The following MAN1A1 variants were observed in gnomAD, a reference collection of about 807,000 sequenced individuals.
The protein encoded by MAN1A1 is mannosidase alpha class 1A member 1.
Under a neutral mutation model 70.8 loss-of-function variants are expected in MAN1A1, and 29 were observed. The observed-to-expected ratio is 0.41, with a 90% CI of 0.31 to 0.56. The LOEUF (loss-of-function observed/expected upper bound fraction) is 0.56, where lower values mean the gene tolerates loss of function less well. Ranked by LOEUF, MAN1A1 falls within the 20% of genes least tolerant of loss-of-function variation. The pLI, the probability that MAN1A1 is intolerant of heterozygous loss-of-function variation, is 0.29. For missense variants in MAN1A1, 747 were observed against 841.3 expected (o/e 0.89, Z 1.39); for synonymous variants, 349 against 330.1 (o/e 1.06, Z -0.62).
At chr6:119,197,753 G>A (rs62418808) in intron 8 of MAN1A1, among the ~76,000 whole-genome samples, 35,386 of 152,010 alleles carry the variant, frequency 0.23, 5,442 homozygotes, top group Non-Finnish European at 0.33. Context: ...CAGAATGGGG[G>A]TTGGGGCAGG....
intron 11 of MAN1A1, among the ~76,000 whole-genome samples, chr6:119,184,532 C>A (rs564331573): frequency 6.6e-6 from 1 of 152,072 alleles, no homozygotes; most frequent in South Asian, 2.1e-4. Flanking sequence ...GAATCAGGCA[C>A]CTTGAACAAA....
At chr6:119,297,723 CTAAA>C (rs1326479698) in intron 4 of MAN1A1, among the ~76,000 whole-genome samples, 8 of 140,946 alleles carry the variant, frequency 5.7e-5, no homozygotes, top group Admixed American at 4.4e-4. Flanking sequence ...TCACATATTA[CTAAA>C]TAGTTTCCTT....
chr6:119,182,931 A>G lies in MAN1A1; in HGVS notation c.1720-2504T>C, dbSNP rs117704979. Among the ~76,000 whole-genome samples the G allele has an allele frequency of 8.7e-3, 1,331 of 152,232 alleles. 10 individuals carry two copies. The highest frequency in any genetic ancestry group is 0.014 in the Non-Finnish European group (959 of 68,026). Reference sequence around the variant, plus strand: ...TCCAACTACCAAGAAGATGGAAAGCATAGACTTTGCCTTATCAGTTGAGAA... The same window carrying G: ...TCCAACTACCAAGAAGATGGAAAGCGTAGACTTTGCCTTATCAGTTGAGAA... On this transcript the variant is annotated intron_variant, in intron 11 of 12. Coordinates refer to ENST00000368468, the MANE Select transcript of MAN1A1 (RefSeq NM_005907.4).
At chr6:119,222,149 A>G (rs557114469) in intron 6 of MAN1A1, among the ~76,000 whole-genome samples, 2 of 152,180 alleles carry the variant, frequency 1.3e-5, no homozygotes, top group Admixed American at 6.5e-5. Context: ...CAAAATGTGA[A>G]GAGCCATATT....
chr6:119,265,723 A>T (rs2114363532), intron 5 of MAN1A1, among the ~76,000 whole-genome samples: 1 of 152,298 alleles, frequency 6.6e-6, no homozygotes, highest in South Asian at 2.1e-4. Flanking sequence ...ATCAAGAACA[A>T]GGCAGGGATG....
At position 119,307,002 on chromosome 6, in the gene MAN1A1, AAAAT is replaced by A; in HGVS notation, c.604-14_604-11del. The A allele has an allele frequency of 6.5e-7, 1 of 1,530,826 alleles. No individual in the cohort carries two copies. The highest frequency in any genetic ancestry group is 1.7e-5 in the Admixed American group (1 of 59,062). 94.8% of individuals were successfully genotyped at this position (1,530,826 alleles called of 1,614,324 possible). A position where few individuals can be genotyped will look rare whatever the true frequency, so the allele number is the denominator to read the frequency against. ...AAGCATGTTTCATCATCTGAAAAAA[AAAAT>A]AAAAACAGGATTATAATTTGAATGG... On this transcript the variant is annotated splice_polypyrimidine_tract_variant and intron_variant, in intron 2 of 12. Coordinates refer to ENST00000368468, the MANE Select transcript of MAN1A1 (RefSeq NM_005907.4).
intron 5 of MAN1A1, among the ~76,000 whole-genome samples, chr6:119,284,245 G>A (rs929668294): frequency 5.9e-5 from 9 of 152,118 alleles, no homozygotes; most frequent in African/African-American, 2.2e-4. Context: ...GTGATCTGGA[G>A]CACATCTCTC....
At chr6:119,205,955 G>T (rs894791858) in intron 6 of MAN1A1, among the ~76,000 whole-genome samples, 1 of 152,214 alleles carries the variant, frequency 6.6e-6, no homozygotes, top group Non-Finnish European at 1.5e-5. Context: ...CACACATGAT[G>T]AATGCCGAGA....
intron 11 of MAN1A1, 96 bp from the exon 12 acceptor site, chr6:119,180,523 T>TTTTTTC: frequency 1.5e-6 from 1 of 685,178 alleles, no homozygotes; most frequent in Non-Finnish European, 2.5e-6. Context: ...TAAAACATTT[T>TTTTTTC]TTTTTTTTGA....
chr6:119,291,876 C>T (rs1772037030), intron 4 of MAN1A1, among the ~76,000 whole-genome samples: 1 of 152,012 alleles, frequency 6.6e-6, no homozygotes, highest in Non-Finnish European at 1.5e-5. Flanking sequence ...GTGCCAGGTC[C>T]TGTGCTAATG....
chr6:119,331,065 A>T (rs1344570273), intron 2 of MAN1A1, among the ~76,000 whole-genome samples: 1 of 152,076 alleles, frequency 6.6e-6, no homozygotes, highest in Non-Finnish European at 1.5e-5. Flanking sequence ...AGTGATTCTT[A>T]ATCTGATTTA....
intron 2 of MAN1A1, among the ~76,000 whole-genome samples, chr6:119,326,394 A>C (rs149657965): frequency 2.6e-5 from 4 of 152,224 alleles, no homozygotes; most frequent in Non-Finnish European, 5.9e-5. Context: ...CCTTTTACAG[A>C]CAATAGTGGT....
chr6:119,285,144 T>TTCTTTTCTTTTC (rs1211262043), intron 5 of MAN1A1, among the ~76,000 whole-genome samples: 18 of 151,268 alleles, frequency 1.2e-4, no homozygotes, highest in African/African-American at 3.2e-4. Flanking sequence ...AGACTTTTTT[T>TTCTTTTCTTTTC]TTTTTTTTTA....
rs549255315 is a variant in MAN1A1 at position 119,287,838 on chromosome 6, A to G, written c.897+2845T>C. On this transcript the variant is annotated intron_variant, in intron 5 of 12. Transcript: ENST00000368468. ...TTCCAGCTTATAATAGAGCAGTGCT[A>G]CCTTTTAAATTTATTTTTAATACTG... Among the ~76,000 whole-genome samples the G allele has an allele frequency of 2.6e-5, 4 of 152,060 alleles. No individual in the cohort carries two copies. In the South Asian group the frequency reaches 8.3e-4, roughly 32 times the overall value.
intron 11 of MAN1A1, among the ~76,000 whole-genome samples, chr6:119,184,988 A>C (rs1016046825): frequency 2.0e-5 from 3 of 152,088 alleles, no homozygotes; most frequent in Non-Finnish European, 2.9e-5. Context: ...TCCTGGGCTC[A>C]AGTGATCCTC....
chr6:119,347,272 C>T (rs1049743010), intron 2 of MAN1A1, among the ~76,000 whole-genome samples: 2 of 152,188 alleles, frequency 1.3e-5, no homozygotes, highest in Non-Finnish European at 2.9e-5. Context: ...GCCACTTAAG[C>T]TAAACACCTC....
At chr6:119,288,045 A>G (rs1277974640) in intron 5 of MAN1A1, among the ~76,000 whole-genome samples, 1 of 151,966 alleles carries the variant, frequency 6.6e-6, no homozygotes, top group Non-Finnish European at 1.5e-5. Context: ...AGTTTACTAC[A>G]GGTACTTCAT....
At chr6:119,215,399 CTCACTTCTAGGGAA>C (rs1035351541) in intron 6 of MAN1A1, among the ~76,000 whole-genome samples, 1 of 152,110 alleles carries the variant, frequency 6.6e-6, no homozygotes, top group African/African-American at 2.4e-5. Context: ...GCCCAAAACT[CTCACTTCTAGGGAA>C]TCATTAGGGT....
intron 6 of MAN1A1, among the ~76,000 whole-genome samples, chr6:119,217,679 C>A (rs1235200394): frequency 1.3e-5 from 2 of 152,170 alleles, no homozygotes; most frequent in Non-Finnish European, 2.9e-5. Flanking sequence ...AAAATTTACA[C>A]AAGTAATGCA....
Sources: gnomAD v4.1 joint callset for allele counts (sites outside exome capture counted in the v4.1 genomes callset) on GRCh38, gnomAD v4.1.1 for gene constraint, MANE v1.5 for transcripts, NCBI Gene and HGNC (gene_info 2026-07-23, HGNC 2026-07-21) for gene names.